NLRP12: variants seen among roughly 807,000 people sequenced by gnomAD.
The protein encoded by NLRP12 is NACHT, LRR and PYD domains-containing protein 12.
A neutral mutation model predicts 91.2 loss-of-function variants in NLRP12; 108 were observed. The ratio of observed to expected loss-of-function variants is 1.18; its 90% CI spans 1.01 to 1.39. The LOEUF (loss-of-function observed/expected upper bound fraction) is 1.39, where lower values mean the gene tolerates loss of function less well. Among genes scored for constraint, NLRP12 ranks in the 40% most tolerant of loss-of-function variants. NLRP12 has a pLI of 0.00. For synonymous variants in NLRP12, 613 were observed against 566.7 expected, an observed-to-expected ratio of 1.08 and a Z score of -1.16; for missense variants, 1,530 against 1,352.7, an observed-to-expected ratio of 1.13 and a Z score of -2.06.
intron 1 of NLRP12, among the ~76,000 whole-genome samples, chr19:53,815,802 G>C (rs1402695150): frequency 1.3e-5 from 2 of 151,488 alleles, no homozygotes. Context: ...AGTAGAGACA[G>C]GGTTTCACCA....
intron 7 of NLRP12, 70 bp downstream of exon 7, chr19:53,801,157 C>T (rs891969759): frequency 1.8e-5 from 26 of 1,458,378 alleles, no homozygotes; most frequent in Middle Eastern, 1.9e-4. Context: ...ACCTGGCCTC[C>T]GTGGTCCCAG....
At chr19:53,796,055 G>GGT in intron 8 of NLRP12, 26 bp from the exon 9 acceptor site, 1 of 1,608,718 alleles carries the variant, frequency 6.2e-7, no homozygotes, top group Non-Finnish European at 8.5e-7. Flanking sequence ...AGTTGGTTAA[G>GGT]GTAACACCAG....
chr19:53,818,622 A>C (rs1359463279), intron 1 of NLRP12, among the ~76,000 whole-genome samples: 1 of 151,930 alleles, frequency 6.6e-6, no homozygotes, highest in Non-Finnish European at 1.5e-5. Flanking sequence ...CCGAGAACGC[A>C]CCACTGCACT....
rs2122812698 is a variant in NLRP12, at chr19:53,824,060, C to T, written c.115G>A (p.Gly39Arg). The change falls in exon 1 of 10, where the codon GGA becomes AGA. Residue 39 changes from glycine (G) to arginine (R), a missense_variant. Coordinates refer to ENST00000324134, the MANE Select transcript of NLRP12 (RefSeq NM_144687.4). ...KLYLGTATEL[G>R]EGKIPWGSME... ...CTTCCCCAGGGGATCTTGCCTTCTC[C>T]CAGCTCTGTCGCGGTCCCCAGGTAT... The T allele has an allele frequency of 6.2e-7, 1 of 1,614,156 alleles. No individual in the cohort carries two copies. Among genetic ancestry groups the T allele is most frequent in the Non-Finnish European group, 8.5e-7 (1 of 1,180,022 alleles).
At position 53,806,581 on chromosome 19, in the gene NLRP12, C is replaced by G. The variant is rs185303002; in HGVS notation, c.2243+914G>C. Among the ~76,000 whole-genome samples, 73 of 144,270 alleles carry G rather than the reference C, an allele frequency of 5.1e-4. No individual in the cohort carries two copies. The Admixed American group carries it at 5.2e-3, about 10-fold the overall frequency. The allele number at this position is 144,270 out of a possible 152,430, so 94.6% of individuals were successfully genotyped here. A position where few individuals can be genotyped will look rare whatever the true frequency, so the allele number is the denominator to read the frequency against. ...CTGTAGTCCCAGCTACTCAGGAGGC[C>G]GAGGCAGGAGAATCGCTTGAACCCA... is the stretch of plus-strand genomic sequence containing the variant. On this transcript the variant is annotated intron_variant, in intron 4 of 9. Coordinates refer to ENST00000324134, the MANE Select transcript of NLRP12 (RefSeq NM_144687.4).
At chr19:53,809,539 AAACAC>A in intron 3 of NLRP12, 43 bp downstream of exon 3, 11 of 1,469,074 alleles carry the variant, frequency 7.5e-6, no homozygotes, top group Admixed American at 2.2e-5. Flanking sequence ...AAAAAAAAAA[AAACAC>A]ACGAACCTAA....
intron 1 of NLRP12, among the ~76,000 whole-genome samples, chr19:53,818,101 T>A (rs932781709): frequency 6.6e-6 from 1 of 151,284 alleles, no homozygotes; most frequent in African/African-American, 2.4e-5. Flanking sequence ...TTTTTTTTTT[T>A]GAGAGAGGGT....
At position 53,824,074 on chromosome 19, in the gene NLRP12, G is replaced by T. The variant is rs1241288720; in HGVS notation, c.101C>A (p.Thr34Asn). ...CTTGCCTTCTCCCAGCTCTGTCGCG[G>T]TCCCCAGGTATAACTTGAACTTCTT... ...ELKKFKLYLG[T>N]ATELGEGKIP... The change falls in exon 1 of 10, where the codon ACC (threonine) becomes AAC (asparagine). Residue 34 changes from threonine (T) to asparagine (N), a missense_variant. Physicochemically the swap from Thr to Asn is moderately conservative, Grantham distance 65. Coordinates refer to ENST00000324134, the MANE Select transcript of NLRP12 (RefSeq NM_144687.4). 1 of 1,614,086 alleles carries T rather than the reference G, an allele frequency of 6.2e-7. No individual in the cohort carries two copies. Among genetic ancestry groups the T allele is most frequent in the South Asian group, 1.1e-5 (1 of 91,078 alleles).
chr19:53,801,400 G>C lies in NLRP12; in HGVS notation c.2586-3C>G, dbSNP rs2091868967. ...CAGTGAGGCGGCAGATCTTCAGCCT[G>C]CACAAAGTCCAATTCAACAAGCATT... On this transcript the variant is annotated splice_polypyrimidine_tract_variant and splice_region_variant and intron_variant, in intron 6 of 9. Coordinates refer to ENST00000324134, the MANE Select transcript of NLRP12 (RefSeq NM_144687.4). The C allele has an allele frequency of 6.2e-7, 1 of 1,611,184 alleles. No homozygotes were observed. Among genetic ancestry groups the C allele is most frequent in the African/African-American group, 1.3e-5 (1 of 74,292 alleles).
Position 53,809,845 on chromosome 19 carries a change from G to C in NLRP12, c.1814C>G (p.Thr605Ser), listed in dbSNP as rs997344815. The C allele has an allele frequency of 6.2e-7, 1 of 1,614,020 alleles. No individual in the cohort carries two copies. The highest frequency in any genetic ancestry group is 2.2e-5 in the East Asian group (1 of 44,868). The change falls in exon 3 of 10, where the codon ACC (threonine) becomes AGC (serine). Residue 605 changes from threonine to serine, a missense_variant. By Grantham distance (58) the Thr-to-Ser change is moderately conservative. Transcript: ENST00000324134. ...GAACTCCAAGGAGCCCTGCTGCAGG[G>C]TGGAGCCGTCGCTCTGAGCTTTGCT... ...IQSKAQSDGS[T>S]LQQGSLEFFS...
chr19:53,797,881 G>A (rs1176178917), intron 8 of NLRP12, among the ~76,000 whole-genome samples: 1 of 151,756 alleles, frequency 6.6e-6, no homozygotes, highest in Admixed American at 6.6e-5. Flanking sequence ...TCGGATTACA[G>A]GCATGTGCCA....
At chr19:53,812,877 A>C (rs78396949) in intron 2 of NLRP12, among the ~76,000 whole-genome samples, 2 of 127,256 alleles carry the variant, frequency 1.6e-5, no homozygotes, top group Admixed American at 9.4e-5. Flanking sequence ...AATCATCAAT[A>C]TCTCTTTTTT....
At position 53,824,018 on chromosome 19, in the gene NLRP12, G is replaced by A. The variant is rs752350185; in HGVS notation, c.157C>T (p.Pro53Ser). 13 of 1,614,034 alleles carry A rather than the reference G, an allele frequency of 8.1e-6. No individual in the cohort carries two copies. The Admixed American group carries it at 1.2e-4, about 14-fold the overall frequency. The change falls in exon 1 of 10, where the codon CCC becomes TCC. Residue 53 changes from proline (P) to serine (S), a missense_variant. Pro to Ser is a moderately conservative substitution (Grantham distance 74, BLOSUM62 -1). Transcript: ENST00000324134. ...IPWGSMEKAGPLEMAQLLITH... is the reference protein window; with the variant it reads ...IPWGSMEKAGSLEMAQLLITH... ...ATGAGCAGCTGGGCCATTTCCAGGG[G>A]ACCGGCCTTCTCCATGCTTCCCCAG...
Position 53,810,228 on chromosome 19 carries a change from C to T in NLRP12, c.1431G>A (p.Glu477=), listed in dbSNP as rs1343047083. Residue 477 remains glutamate (E), a synonymous_variant, in exon 3 of 10, where the codon GAG becomes GAA. Coordinates refer to ENST00000324134, the MANE Select transcript of NLRP12 (RefSeq NM_144687.4). ...GGCCGTGCTTCCGGAGGTCCTGCTC[C>T]TCAAATAGGATTTTCTGATTCCAGA... The part of the protein sequence containing the change: ...DGLWNQKILF[E]EQDLRKHGLD... The T allele has an allele frequency of 2.5e-6, 4 of 1,614,050 alleles. No homozygotes were observed. The highest frequency in any genetic ancestry group is 2.7e-5 in the African/African-American group (2 of 74,940).
At chr19:53,795,532 G>A (rs1005309306) in intron 9 of NLRP12, among the ~76,000 whole-genome samples, 10 of 150,514 alleles carry the variant, frequency 6.6e-5, no homozygotes, top group Non-Finnish European at 8.9e-5. Context: ...CCGCCACCAC[G>A]CCCGGCTAAT....
intron 1 of NLRP12, among the ~76,000 whole-genome samples, chr19:53,818,559 G>A (rs1474667560): frequency 6.6e-6 from 1 of 151,006 alleles, no homozygotes; most frequent in Non-Finnish European, 1.5e-5. Flanking sequence ...CAGGTACTCG[G>A]GAGGCTGAGG....
intron 4 of NLRP12, among the ~76,000 whole-genome samples, chr19:53,806,110 T>C (rs1348136414): frequency 1.3e-5 from 2 of 151,982 alleles, no homozygotes. Context: ...GATGCACCCC[T>C]GTAATCCCAG....
rs561771603 is a variant in NLRP12 at position 53,798,745 on chromosome 19, T to A, written c.2757-332A>T. On this transcript the variant is annotated intron_variant, in intron 7 of 9. Transcript: ENST00000324134. ...AATAACTTGTCTGTACAAAAAAAAATTTTTTTTCTTTTTGCGATGGCGTTT... is the reference window on the plus strand; with the variant it reads ...AATAACTTGTCTGTACAAAAAAAAAATTTTTTTCTTTTTGCGATGGCGTTT... 1.8e-4 allele frequency among the ~76,000 whole-genome samples: 28 copies of A among 151,770 alleles called. No homozygotes were observed. In the East Asian group the frequency reaches 2.1e-3, roughly 12 times the overall value.
rs1242883122 is a variant in NLRP12 at position 53,794,016 on chromosome 19, A to G, written c.*33T>C. The G allele has an allele frequency of 6.8e-7, 1 of 1,472,000 alleles. No individual in the cohort carries two copies. The highest frequency in any genetic ancestry group is 1.4e-5 in the African/African-American group (1 of 72,080). The allele number at this position is 1,472,000 out of a possible 1,614,324, so 91.2% of individuals were successfully genotyped here. A position where few individuals can be genotyped will look rare whatever the true frequency, so the allele number is the denominator to read the frequency against. ...AGCACCCTCCCATCTTCCTCTGTCCAGATCTCAGGGGAGAGCCAGCAGATA... is the reference window on the plus strand; with the variant it reads ...AGCACCCTCCCATCTTCCTCTGTCCGGATCTCAGGGGAGAGCCAGCAGATA... On this transcript the variant is annotated 3_prime_UTR_variant, in exon 10 of 10. Coordinates refer to ENST00000324134, the MANE Select transcript of NLRP12 (RefSeq NM_144687.4).
Sources: gnomAD v4.1 joint callset for allele counts (sites outside exome capture counted in the v4.1 genomes callset) on GRCh38, gnomAD v4.1.1 for gene constraint, MANE v1.5 for transcripts, NCBI Gene and HGNC (gene_info 2026-07-23, HGNC 2026-07-21) for gene names.